Variants in F8 observed in about 807,000 individuals in gnomAD.
The protein encoded by F8 is coagulation factor VIII.
Under a neutral mutation model 140.6 loss-of-function variants are expected in F8, and 12 were observed. The ratio of observed to expected loss-of-function variants is 0.09; its 90% CI spans 0.05 to 0.14. The LOEUF is 0.14. Among genes scored for constraint, F8 ranks in the 10% least tolerant of loss-of-function variants. F8 has a pLI of 1.00. For missense variants in F8, 1,354 were observed against 1,720.7 expected, an observed-to-expected ratio of 0.79 and a Z score of 3.77; for synonymous variants, 585 against 614.6, an observed-to-expected ratio of 0.95 and a Z score of 0.71.
In F8 at chrX:154,929,144, T is replaced by G. The variant is rs782531066; in HGVS notation, c.4646A>C (p.Glu1549Ala). The G allele has an allele frequency of 5.2e-5, 63 of 1,209,866 alleles. No individual in the cohort carries two copies. The highest frequency in any genetic ancestry group is 6.6e-5 in the Non-Finnish European group (59 of 895,192). ...LVEGSLLQGT[E>A]GAIKWNEANR... ...TGCTTCATTCCACTTAATCGCTCCC[T>G]CTGTTCCCTGAAGAAGGCTCCCTTC... Residue 1549 changes from glutamate (E) to alanine (A), a missense_variant, in exon 14 of 26, where the codon GAG becomes GCG. Around this residue, in one of 4 missense-constraint regions of F8, gnomAD observed 658 missense variants for 666.5 expected, o/e 0.99. Transcript: ENST00000360256.
At chrX:154,863,320 G>A in intron 22 of F8, 93 bp from the exon 23 acceptor site, 1 of 876,064 alleles carries the variant, frequency 1.1e-6, no homozygotes, top group Admixed American at 2.2e-5. Context: ...TTTGCTTTGT[G>A]CGTTTCTCAA....
intron 24 of F8, 85 bp downstream of exon 24, chrX:154,861,632 CT>C: frequency 2.7e-6 from 3 of 1,095,376 alleles, no homozygotes; most frequent in Non-Finnish European, 3.8e-6. Context: ...ACAGAAATAC[CT>C]CAGAAGAAAC....
At chrX:154,982,052 C>T (rs1362692979) in intron 6 of F8, among the ~76,000 whole-genome samples, 5 of 109,715 alleles carry the variant, frequency 4.6e-5, no homozygotes, top group East Asian at 2.9e-4. Flanking sequence ...GGCGTGGTGG[C>T]ACATGCCTGT....
intron 10 of F8, among the ~76,000 whole-genome samples, chrX:154,960,309 C>G (rs1403899153): frequency 9.0e-6 from 1 of 111,165 alleles, no homozygotes; most frequent in Admixed American, 9.5e-5. Context: ...GTAGAGATAA[C>G]CACCAAAAAT....
Position 154,888,380 on chromosome X carries a change from ATTTT to A in F8, c.6429+7693_6429+7696del, listed in dbSNP as rs782710109. ...ACAACAGCTTTTATTTGTAATAGGG[ATTTT>A]TTTTTTTTTTTTTTTTTTTTTTCCC... On this transcript the variant is annotated intron_variant, in intron 22 of 25. Transcript: ENST00000360256. Among the ~76,000 whole-genome samples, 150 of 21,956 alleles carry A rather than the reference ATTTT, an allele frequency of 6.8e-3. 1 individual carries two copies. The highest frequency in any genetic ancestry group is 0.018 in the African/African-American group (54 of 3,071). The allele number at this position is 21,956 out of a possible 115,157, so 19.1% of individuals were successfully genotyped here.
rs2072473701 is a variant in F8 at position 154,836,210 on chromosome X, T to A, written c.*1387A>T. ...TCTTTTGCCTTTTCTCAGATTGGGA[T>A]CCATTTTTCTTTCATATTAGGATCT... On this transcript the variant is annotated 3_prime_UTR_variant, in exon 26 of 26. Transcript: ENST00000360256. 8.9e-6 allele frequency: 1 copy of A among 111,877 alleles called. No individual in the cohort carries two copies. The highest frequency in any genetic ancestry group is 3.7e-4 in the South Asian group (1 of 2,687). 9.2% of individuals were successfully genotyped at this position (111,877 alleles called of 1,213,427 possible).
At chrX:154,840,630 G>C (rs1043583179) in intron 25 of F8, among the ~76,000 whole-genome samples, 1 of 112,279 alleles carries the variant, frequency 8.9e-6, no homozygotes, top group Non-Finnish European at 1.9e-5. Flanking sequence ...AGTTCTCACT[G>C]ACACTTCTAA....
In F8 at chrX:154,906,490, C is replaced by T. The variant is rs151202877; in HGVS notation, c.5303G>A (p.Arg1768His). 2.5e-6 allele frequency: 3 copies of T among 1,209,360 alleles called. No homozygotes were observed. The highest frequency in any genetic ancestry group is 3.0e-5 in the East Asian group (1 of 33,837). ...TCCCAAATGTTCATTTAGTTCTCCACGGTATAAGGGCTGAGTAAAGGAGCC... is the reference window on the plus strand; with the variant it reads ...TCCCAAATGTTCATTTAGTTCTCCATGGTATAAGGGCTGAGTAAAGGAGCC... ...TDGSFTQPLY[R>H]GELNEHLGLL... The change falls in exon 15 of 26, where the codon CGT (arginine) becomes CAT (histidine). Residue 1768 changes from arginine (R) to histidine (H), a missense_variant. Transcript: ENST00000360256.
rs781914897 is a variant in F8 at position 154,996,918 on chromosome X, C to A, written c.388+55G>T. 108 of 1,183,794 alleles carry A rather than the reference C, an allele frequency of 9.1e-5. No individual in the cohort carries two copies. The South Asian group carries it at 1.7e-3, about 19-fold the overall frequency. ...TAACGCCACCATTACAAAGCACACA[C>A]ATCTCACTGTTCTATTCATAGAATG... On this transcript the variant is annotated intron_variant, in intron 3 of 25. Transcript: ENST00000360256.
At chrX:154,843,580 G>A (rs2072539753) in intron 25 of F8, among the ~76,000 whole-genome samples, 1 of 112,302 alleles carries the variant, frequency 8.9e-6, no homozygotes, top group South Asian at 3.7e-4. Flanking sequence ...TCTGTTGGCT[G>A]CATAAATGTC....
At chrX:154,984,217 AGCCT>A (rs1320138841) in intron 6 of F8, among the ~76,000 whole-genome samples, 1 of 111,578 alleles carries the variant, frequency 9.0e-6, no homozygotes, top group Non-Finnish European at 1.9e-5. Flanking sequence ...GAGTAAAGCC[AGCCT>A]GCCTCTATGC....
intron 9 of F8, among the ~76,000 whole-genome samples, chrX:154,961,688 C>T (rs1318587438): frequency 1.8e-5 from 2 of 110,411 alleles, no homozygotes; most frequent in African/African-American, 6.6e-5. Context: ...CTGAAGAGAC[C>T]CCTTTCTCGG....
chrX:154,919,480 T>C, intron 14 of F8: 1 of 268,006 alleles, frequency 3.7e-6, no homozygotes, highest in Non-Finnish European at 6.6e-6. Context: ...GCAGCAAAAG[T>C]GTCCATCATA....
chrX:154,862,690 T>G (rs1225604397), intron 23 of F8, among the ~76,000 whole-genome samples: 1 of 112,152 alleles, frequency 8.9e-6, no homozygotes, highest in African/African-American at 3.2e-5. Context: ...TCTAGCTGCA[T>G]CTATGTTGCT....
rs1158671453 is a variant in F8 at position 154,944,730 on chromosome X, T to C, written c.2113+2968A>G. Among the ~76,000 whole-genome samples, 14 of 111,637 alleles carry C rather than the reference T, an allele frequency of 1.3e-4. No homozygotes were observed. The East Asian group carries it at 3.1e-3, about 24-fold the overall frequency. The stretch of plus-strand genomic sequence containing the variant: ...AGAGACACATGCACACGTATGTTTA[T>C]AGCGGCAGTATTCACAATAGCAAAG... On this transcript the variant is annotated intron_variant, in intron 13 of 25. Transcript: ENST00000360256.
chrX:154,857,877 G>T (rs2072661446), intron 25 of F8, among the ~76,000 whole-genome samples: 1 of 112,527 alleles, frequency 8.9e-6, no homozygotes, highest in African/African-American at 3.2e-5. Context: ...AGTGGCTCAC[G>T]CCTGTAATCC....
At chrX:154,960,968 G>T in intron 10 of F8, 107 bp downstream of exon 10, 1 of 551,034 alleles carries the variant, frequency 1.8e-6, no homozygotes, top group Non-Finnish European at 3.2e-6. Context: ...CTTGAGGTCC[G>T]GCCAACAGCT....
At chrX:154,914,301 G>A (rs1267410470) in intron 14 of F8, among the ~76,000 whole-genome samples, 5 of 112,680 alleles carry the variant, frequency 4.4e-5, no homozygotes, top group South Asian at 3.7e-4. Context: ...GGGCTGCTGC[G>A]AAGGTCTCTA....
At position 154,894,194 on chromosome X, in the gene F8, C is replaced by G. The variant is rs781988378; in HGVS notation, c.6429+1883G>C. On this transcript the variant is annotated intron_variant, in intron 22 of 25. Coordinates refer to ENST00000360256, the MANE Select transcript of F8 (RefSeq NM_000132.4). Reference sequence around the variant, plus strand: ...TCAAGCCTCTCTAAAATGTATAAAACCAAGCTGTGCCCTGACCATCTTGGG... The same window carrying G: ...TCAAGCCTCTCTAAAATGTATAAAAGCAAGCTGTGCCCTGACCATCTTGGG... 2.2e-3 allele frequency among the ~76,000 whole-genome samples: 251 copies of G among 112,679 alleles called. 1 individual carries two copies. The highest frequency in any genetic ancestry group is 7.8e-3 in the African/African-American group (243 of 31,015).
Sources: allele counts gnomAD v4.1 joint callset (sites outside exome capture counted in the v4.1 genomes callset), GRCh38; gene constraint gnomAD v4.1.1; regional missense constraint gnomAD v4.1.1; transcripts MANE v1.5; gene names NCBI Gene and HGNC (gene_info 2026-07-23, HGNC 2026-07-21).